The following WDPCP variants were observed in gnomAD, a reference collection of about 807,000 sequenced individuals.
WDPCP encodes WD repeat-containing and planar cell polarity effector protein fritz homolog.
WDPCP carries 71 observed loss-of-function variants against 93.1 expected under a neutral mutation model. That is an observed-to-expected ratio of 0.76 (90% CI 0.63 to 0.93). The LOEUF is 0.93. WDPCP is among the 40% of genes least tolerant of loss of function. The pLI is 0.00. For synonymous variants in WDPCP, 315 were observed against 315.0 expected, an observed-to-expected ratio of 1.00 and a Z score of 0.00; for missense variants, 844 against 887.4, an observed-to-expected ratio of 0.95 and a Z score of 0.62.
chr2:63,620,713 C>T (rs1709726079), intron 3 of WDPCP, among the ~76,000 whole-genome samples: 1 of 152,146 alleles, frequency 6.6e-6, no homozygotes, highest in Non-Finnish European at 1.5e-5. Flanking sequence ...GCCTGAACCC[C>T]CTGCCTCCTG....
chr2:63,524,290 T>G (rs983067209), intron 1 of WDPCP, among the ~76,000 whole-genome samples: 1 of 52,338 alleles, frequency 1.9e-5, no homozygotes, highest in Non-Finnish European at 3.0e-5. Context: ...CAAAAAAGAA[T>G]AGCCAAAGCA....
chr2:63,598,473 T>C (rs1709359258), intron 3 of WDPCP, among the ~76,000 whole-genome samples: 1 of 152,164 alleles, frequency 6.6e-6, no homozygotes. Flanking sequence ...AGAACTTAAT[T>C]GTCACCCAGC....
intron 1 of WDPCP, among the ~76,000 whole-genome samples, chr2:63,494,695 G>T (rs918981913): frequency 6.6e-6 from 1 of 152,020 alleles, no homozygotes; most frequent in Admixed American, 6.5e-5. Context: ...CCGAGGCGGG[G>T]GGATCACAAG....
At chr2:63,515,266 C>T (rs145530168) in intron 1 of WDPCP, among the ~76,000 whole-genome samples, 2,173 of 152,210 alleles carry the variant, frequency 0.014, 30 homozygotes, top group Middle Eastern at 0.024. Flanking sequence ...GCACTGATAA[C>T]TATACATTCT....
chr2:63,760,692 T>C (rs1670043828), intron 2 of WDPCP, among the ~76,000 whole-genome samples: 1 of 152,136 alleles, frequency 6.6e-6, no homozygotes. Flanking sequence ...CAGCATTAGG[T>C]AGGAAAAGGG....
intron 13 of WDPCP, among the ~76,000 whole-genome samples, chr2:63,270,700 C>T (rs1481760597): frequency 6.6e-6 from 1 of 152,064 alleles, no homozygotes; most frequent in East Asian, 1.9e-4. Flanking sequence ...AGAGAAACTC[C>T]CCAGTGCAGG....
At chr2:63,127,121 C>CTTTTT (rs66754554) in intron 17 of WDPCP, among the ~76,000 whole-genome samples, 1 of 119,852 alleles carries the variant, frequency 8.3e-6, no homozygotes, top group Non-Finnish European at 1.7e-5. Context: ...ACATATTTAA[C>CTTTTT]TTTTTTTTTT....
upstream of WDPCP, chr2:63,589,102 G>T: frequency 6.2e-7 from 1 of 1,614,130 alleles, no homozygotes; most frequent in Non-Finnish European, 8.5e-7. Context: ...CTTGAGTGGG[G>T]TTTCTTGCAC....
At chr2:63,288,675 C>T (rs1412535440) in intron 13 of WDPCP, among the ~76,000 whole-genome samples, 1 of 152,118 alleles carries the variant, frequency 6.6e-6, no homozygotes, top group Non-Finnish European at 1.5e-5. Context: ...ACAATCAAAC[C>T]AATAAAATCA....
At chr2:63,532,057 T>C (rs538535549) in intron 1 of WDPCP, among the ~76,000 whole-genome samples, 2 of 152,150 alleles carry the variant, frequency 1.3e-5, no homozygotes, top group East Asian at 3.9e-4. Flanking sequence ...GAGAACTACG[T>C]GACGCATGCA....
intron 2 of WDPCP, among the ~76,000 whole-genome samples, chr2:63,676,557 G>A (rs989271745): frequency 2.0e-5 from 3 of 151,886 alleles, no homozygotes; most frequent in African/African-American, 4.8e-5. Context: ...TATGCTGAGT[G>A]AAAAGAACCA....
intron 17 of WDPCP, among the ~76,000 whole-genome samples, chr2:63,124,447 C>T (rs566983741): frequency 1.3e-5 from 2 of 152,232 alleles, no homozygotes; most frequent in Admixed American, 6.5e-5. Flanking sequence ...CTGAGCCACA[C>T]CCTTTTGCTG....
intron 14 of WDPCP, among the ~76,000 whole-genome samples, chr2:63,213,827 G>A (rs755824278): frequency 5.9e-5 from 9 of 152,062 alleles, no homozygotes; most frequent in Non-Finnish European, 8.8e-5. Context: ...ACTACCCTCA[G>A]AGAATACTAT....
At chr2:63,711,545 C>A (rs1180640889) in intron 2 of WDPCP, 1 of 152,156 alleles carries the variant, frequency 6.6e-6, no homozygotes, top group Non-Finnish European at 1.5e-5. Context: ...TCGCTTCAGC[C>A]CAGGAGTTCC....
rs1358121754 is a variant in WDPCP at position 63,404,256 on chromosome 2, G to T, written c.1227C>A (p.Ser409=). The T allele has an allele frequency of 7.4e-6, 12 of 1,613,880 alleles. No homozygotes were observed. The highest frequency in any genetic ancestry group is 1.0e-5 in the Non-Finnish European group (12 of 1,179,898). ...GELQIFDMAL[S]PINIQLLAED... ...CAGCCAACAGTTGGATGTTAATAGG[G>T]GATAGAGCCATATCAAAAATTTGCA... is the stretch of plus-strand genomic sequence containing the variant. Residue 409 remains serine (S), a synonymous_variant, in exon 10 of 18, where the codon TCC becomes TCA. Coordinates refer to ENST00000272321, the MANE Select transcript of WDPCP (RefSeq NM_015910.7).
At chr2:63,136,397 TGAGA>T (rs1670621067) in intron 17 of WDPCP, among the ~76,000 whole-genome samples, 1 of 150,942 alleles carries the variant, frequency 6.6e-6, no homozygotes, top group Admixed American at 6.6e-5. Context: ...ATGGAGAGAG[TGAGA>T]GAGAGGAAGA....
intron 1 of WDPCP, among the ~76,000 whole-genome samples, chr2:63,557,519 T>TA (rs748293625): frequency 2.0e-5 from 3 of 152,150 alleles, no homozygotes; most frequent in Non-Finnish European, 2.9e-5. Context: ...AATAAGCTCT[T>TA]AGAGACCTAC....
intron 14 of WDPCP, among the ~76,000 whole-genome samples, chr2:63,238,917 G>C (rs1421532447): frequency 1.3e-5 from 2 of 152,112 alleles, no homozygotes; most frequent in African/African-American, 2.4e-5. Flanking sequence ...CAACCAATTT[G>C]TAGAGTTTGC....
chr2:63,764,122 C>G (rs900820751), intron 2 of WDPCP, among the ~76,000 whole-genome samples: 1 of 152,128 alleles, frequency 6.6e-6, no homozygotes, highest in African/African-American at 2.4e-5. Context: ...TATTATACAA[C>G]TATCACTTCT....
Sources: allele counts gnomAD v4.1 joint callset (sites outside exome capture counted in the v4.1 genomes callset), GRCh38; gene constraint gnomAD v4.1.1; transcripts MANE v1.5; gene names NCBI Gene and HGNC (gene_info 2026-07-23, HGNC 2026-07-21).